Variants in TCF12 observed in about 807,000 individuals in gnomAD.
The protein encoded by TCF12 is transcription factor 12.
A neutral mutation model predicts 86.0 loss-of-function variants in TCF12; 45 were observed. The observed-to-expected ratio is 0.52, with a 90% confidence interval of 0.41 to 0.67. The LOEUF (loss-of-function observed/expected upper bound fraction) is 0.67. TCF12 is among the 30% of genes least tolerant of loss of function. The pLI, the probability that TCF12 is intolerant of heterozygous loss-of-function variation, is 0.00. For synonymous variants in TCF12, 330 were observed against 299.6 expected (o/e 1.10, Z -1.05); for missense variants, 881 against 859.9 (o/e 1.02, Z -0.31).
intron 3 of TCF12, among the ~76,000 whole-genome samples, chr15:57,027,326 A>T (rs79438804): frequency 1.3e-5 from 2 of 152,228 alleles, no homozygotes; most frequent in African/African-American, 4.8e-5. Flanking sequence ...GAAATTGTAC[A>T]GGATAAACTC....
intron 3 of TCF12, among the ~76,000 whole-genome samples, chr15:57,063,323 T>C (rs2068603247): frequency 1.3e-5 from 2 of 152,196 alleles, no homozygotes; most frequent in Admixed American, 6.5e-5. Context: ...AAACCAACTT[T>C]ATTAAATTGA....
intron 13 of TCF12, chr15:57,247,261 G>T: frequency 1.6e-6 from 1 of 644,138 alleles, no homozygotes; most frequent in Non-Finnish European, 2.8e-6. Flanking sequence ...CATTATATCC[G>T]CCATCACCTC....
intron 3 of TCF12, among the ~76,000 whole-genome samples, chr15:57,015,720 T>C (rs1426574585): frequency 2.0e-5 from 3 of 152,206 alleles, no homozygotes; most frequent in Admixed American, 2.0e-4. Flanking sequence ...AGAGACTCAG[T>C]TATTTGAACT....
intron 18 of TCF12, among the ~76,000 whole-genome samples, chr15:57,271,462 A>G (rs1236009460): frequency 2.6e-5 from 4 of 152,212 alleles, no homozygotes; most frequent in Admixed American, 2.6e-4. Flanking sequence ...GTATTTGGGC[A>G]GGAGTATACT....
intron 3 of TCF12, among the ~76,000 whole-genome samples, chr15:56,952,187 T>TACAC (rs766821041): frequency 2.1e-4 from 9 of 42,616 alleles, no homozygotes; most frequent in East Asian, 3.7e-3. Context: ...TTTTTGTGTA[T>TACAC]ATACACACAC....
chr15:57,053,881 T>A (rs2067806280), intron 3 of TCF12, among the ~76,000 whole-genome samples: 1 of 152,198 alleles, frequency 6.6e-6, no homozygotes, highest in Non-Finnish European at 1.5e-5. Flanking sequence ...TGAAAGAGTT[T>A]AGTTTTATCC....
chr15:57,179,151 A>C (rs2056161265), intron 6 of TCF12, among the ~76,000 whole-genome samples: 2 of 152,186 alleles, frequency 1.3e-5, no homozygotes, highest in Admixed American at 1.3e-4. Context: ...TTAGCACTGT[A>C]ATATTACATG....
At chr15:57,242,594 C>A (rs766839228) in intron 12 of TCF12, among the ~76,000 whole-genome samples, 9 of 152,102 alleles carry the variant, frequency 5.9e-5, no homozygotes, top group Middle Eastern at 6.8e-3. Context: ...TTGAACCTGG[C>A]GGGGTGGAGG....
At chr15:57,013,590 G>T (rs2064970847) in intron 3 of TCF12, among the ~76,000 whole-genome samples, 1 of 152,126 alleles carries the variant, frequency 6.6e-6, no homozygotes, top group South Asian at 2.1e-4. Flanking sequence ...CAAAGTGTTG[G>T]GATTATAGGT....
At chr15:56,964,706 T>C (rs773985709) in intron 3 of TCF12, among the ~76,000 whole-genome samples, 4 of 152,196 alleles carry the variant, frequency 2.6e-5, no homozygotes, top group South Asian at 2.1e-4. Context: ...GTTGAACTTA[T>C]TGCCTTAGTA....
intron 2 of TCF12, among the ~76,000 whole-genome samples, chr15:56,920,558 A>G (rs75578967): frequency 0.04 from 6,112 of 151,502 alleles, 372 homozygotes; most frequent in Admixed American, 0.17. Flanking sequence ...ACTGAAACCT[A>G]AGGGCCCACT....
chr15:57,021,323 A>C (rs1252692867), intron 3 of TCF12, among the ~76,000 whole-genome samples: 1 of 152,202 alleles, frequency 6.6e-6, no homozygotes, highest in Non-Finnish European at 1.5e-5. Flanking sequence ...GGCATGGGTA[A>C]GCTCTGGAGC....
chr15:57,029,958 A>G lies in TCF12; in HGVS notation c.149-33792A>G, dbSNP rs113225211. Among the ~76,000 whole-genome samples the G allele has an allele frequency of 1.4e-4, 22 of 152,276 alleles. 4 individuals are homozygous for G. Among genetic ancestry groups the G allele is most frequent in the African/African-American group, 5.3e-4 (22 of 41,546 alleles). ...TGGTGTTACGTTATATGGATGTACC[A>G]TAGTTTGTTTTTTCATGTTAAAGGA... On this transcript the variant is annotated intron_variant, in intron 3 of 20. Transcript: ENST00000333725.
chr15:57,204,414 C>G (rs1442925877), intron 8 of TCF12, among the ~76,000 whole-genome samples: 1 of 152,000 alleles, frequency 6.6e-6, no homozygotes, highest in South Asian at 2.1e-4. Context: ...TGTGATTTCA[C>G]CACTGCACTC....
rs551242426 is a variant in TCF12 at position 57,113,008 on chromosome 15, GGATC to G, written c.325+21118_325+21121del. Among the ~76,000 whole-genome samples the G allele has an allele frequency of 7.8e-4, 119 of 152,266 alleles. 1 individual carries two copies. Among genetic ancestry groups the G allele is most frequent in the African/African-American group, 2.7e-3 (112 of 41,554 alleles). ...CTTTTTCATGGTAAGAAGTTATCGT[GGATC>G]TCCTGCACATCATTGTTCTGTGTGT... On this transcript the variant is annotated intron_variant, in intron 5 of 20. Coordinates refer to ENST00000333725, the MANE Select transcript of TCF12 (RefSeq NM_207037.2).
At chr15:57,005,532 T>C (rs1328081570) in intron 3 of TCF12, among the ~76,000 whole-genome samples, 1 of 152,198 alleles carries the variant, frequency 6.6e-6, no homozygotes, top group Non-Finnish European at 1.5e-5. Context: ...AGTTTTTGAG[T>C]ATTTTAATAA....
chr15:56,970,348 C>T (rs544075788), intron 3 of TCF12, among the ~76,000 whole-genome samples: 12 of 151,772 alleles, frequency 7.9e-5, no homozygotes, highest in Non-Finnish European at 1.6e-4. Context: ...GGCATGGTGG[C>T]GCGCACCTGT....
chr15:57,097,147 A>G (rs1423751900), intron 5 of TCF12, among the ~76,000 whole-genome samples: 3 of 152,202 alleles, frequency 2.0e-5, no homozygotes, highest in Non-Finnish European at 4.4e-5. Flanking sequence ...ATTGCTTGCA[A>G]TATAACCTAT....
At chr15:57,005,860 A>C (rs1277510889) in intron 3 of TCF12, among the ~76,000 whole-genome samples, 1 of 152,084 alleles carries the variant, frequency 6.6e-6, no homozygotes, top group Non-Finnish European at 1.5e-5. Context: ...GTGAGCTACC[A>C]CCCTCAGTCT....
Sources: gnomAD v4.1 joint callset for allele counts (sites outside exome capture counted in the v4.1 genomes callset) on GRCh38, gnomAD v4.1.1 for gene constraint, MANE v1.5 for transcripts, NCBI Gene and HGNC (gene_info 2026-07-23, HGNC 2026-07-21) for gene names.